Variants in CABIN1 observed in about 807,000 individuals in gnomAD.
CABIN1 encodes the protein calcineurin binding protein 1.
CABIN1 carries 133 observed loss-of-function variants against 227.7 expected under a neutral mutation model. That is an observed-to-expected ratio of 0.58 (90% CI 0.51 to 0.67). The LOEUF is 0.67. Among genes scored for constraint, CABIN1 ranks in the 30% least tolerant of loss-of-function variants. The pLI, the probability that CABIN1 is intolerant of heterozygous loss-of-function variation, is 0.00. For synonymous variants in CABIN1, 1,086 were observed against 1,155.1 expected (o/e 0.94, Z 1.21); for missense variants, 2,408 against 2,852.5 (o/e 0.84, Z 3.55).
rs576396741 is a variant in CABIN1, at chr22:24,016,747, A to G, written c.-75+5380A>G. Among the ~76,000 whole-genome samples the G allele has an allele frequency of 3.9e-5, 6 of 152,314 alleles. No homozygotes were observed. The South Asian group carries it at 1.0e-3, about 26-fold the overall frequency. The stretch of plus-strand genomic sequence containing the variant: ...ATTTCCCTCCAGAAGGGTTGTACCA[A>G]TTTCCAACAGTGTATGAGAATAGCG... On this transcript the variant is annotated intron_variant, in intron 1 of 36. Coordinates refer to ENST00000263119, the MANE Select transcript of CABIN1 (RefSeq NM_012295.4).
At chr22:24,154,316 G>A (rs2045657146) in intron 29 of CABIN1, among the ~76,000 whole-genome samples, 1 of 152,166 alleles carries the variant, frequency 6.6e-6, no homozygotes, top group Non-Finnish European at 1.5e-5. Flanking sequence ...GGGAAGAGTG[G>A]CCCAACTAGC....
At chr22:24,169,546 A>C (rs2046665098) in intron 33 of CABIN1, among the ~76,000 whole-genome samples, 1 of 152,142 alleles carries the variant, frequency 6.6e-6, no homozygotes, top group African/African-American at 2.4e-5. Flanking sequence ...GTCCCCAGCT[A>C]AGGGCCAGAG....
At chr22:24,024,233 T>G (rs988817643) in intron 1 of CABIN1, among the ~76,000 whole-genome samples, 1 of 152,180 alleles carries the variant, frequency 6.6e-6, no homozygotes, top group Non-Finnish European at 1.5e-5. Flanking sequence ...TTAGGGTACA[T>G]GTGCACATTG....
chr22:24,024,794 GT>G (rs2035967563), intron 1 of CABIN1, among the ~76,000 whole-genome samples: 1 of 151,954 alleles, frequency 6.6e-6, no homozygotes, highest in South Asian at 2.1e-4. Flanking sequence ...GCTCACATTT[GT>G]TTTTGAATTT....
intron 1 of CABIN1, among the ~76,000 whole-genome samples, chr22:24,017,555 C>T (rs1288573574): frequency 1.3e-5 from 2 of 152,146 alleles, no homozygotes; most frequent in South Asian, 2.1e-4. Context: ...ACTGTAGGTA[C>T]GTTATATACA....
At chr22:24,018,565 A>G (rs950214897) in intron 1 of CABIN1, among the ~76,000 whole-genome samples, 5 of 152,182 alleles carry the variant, frequency 3.3e-5, no homozygotes, top group African/African-American at 1.2e-4. Flanking sequence ...GACTCTAGTG[A>G]TTTGAGATGC....
At chr22:24,113,878 C>A (rs2042938775) in intron 27 of CABIN1, 130 bp downstream of exon 27, 2 of 972,506 alleles carry the variant, frequency 2.1e-6, no homozygotes, top group Non-Finnish European at 3.2e-6. Flanking sequence ...CCATTTTTCT[C>A]CCTGTAGGAT....
At chr22:24,027,198 C>T (rs2036156866) in intron 1 of CABIN1, among the ~76,000 whole-genome samples, 1 of 152,054 alleles carries the variant, frequency 6.6e-6, no homozygotes, top group South Asian at 2.1e-4. Flanking sequence ...TGCCGAAATA[C>T]AGTTACTTTT....
chr22:24,177,855 G>A lies in CABIN1; in HGVS notation c.6519+38G>A, dbSNP rs770185970. The A allele has an allele frequency of 1.9e-6, 3 of 1,590,916 alleles. No homozygotes were observed. The highest frequency in any genetic ancestry group is 2.7e-5 in the African/African-American group (2 of 74,452). ...GCTGGGCTGGAGCCATGTGTGGGTGGGAGGCATAGGTTACAAAGGGGGCCT... is the reference window on the plus strand; with the variant it reads ...GCTGGGCTGGAGCCATGTGTGGGTGAGAGGCATAGGTTACAAAGGGGGCCT... On this transcript the variant is annotated intron_variant, in intron 36 of 36. Coordinates refer to ENST00000263119, the MANE Select transcript of CABIN1 (RefSeq NM_012295.4). The surrounding 1 kb of genome is among the most constrained non-coding windows in gnomAD (Gnocchi z 4.4).
intron 31 of CABIN1, 132 bp downstream of exon 31, chr22:24,165,758 T>C (rs1238979380): frequency 5.5e-6 from 4 of 726,202 alleles, no homozygotes; most frequent in African/African-American, 5.2e-5. Context: ...ATCTGTGAGG[T>C]AGCACCCATC....
At chr22:24,083,489 TG>T in intron 20 of CABIN1, 100 bp downstream of exon 20, 1 of 1,331,634 alleles carries the variant, frequency 7.5e-7, no homozygotes, top group Middle Eastern at 2.1e-4. Context: ...CAGTCCTGCT[TG>T]GAGTTGCATC....
At chr22:24,100,291 G>A (rs1448740575) in intron 26 of CABIN1, among the ~76,000 whole-genome samples, 1 of 152,204 alleles carries the variant, frequency 6.6e-6, no homozygotes, top group African/African-American at 2.4e-5. Context: ...GAACTCAGCT[G>A]CCTCACCTCT....
intron 8 of CABIN1, among the ~76,000 whole-genome samples, chr22:24,052,730 C>T (rs1439059246): frequency 6.7e-6 from 1 of 149,734 alleles, no homozygotes; most frequent in Non-Finnish European, 1.5e-5. Flanking sequence ...GTCAAGGCTA[C>T]AGTGAGCTGT....
At chr22:24,014,600 G>C (rs899390961) in intron 1 of CABIN1, among the ~76,000 whole-genome samples, 3 of 152,120 alleles carry the variant, frequency 2.0e-5, no homozygotes, top group Non-Finnish European at 4.4e-5. Flanking sequence ...GCCTTTCAGA[G>C]TGGTTATGTT....
intron 33 of CABIN1, chr22:24,170,012 G>A (rs1463414556): frequency 7.2e-6 from 3 of 415,224 alleles, no homozygotes; most frequent in African/African-American, 4.1e-5. Flanking sequence ...TTACCTTTCA[G>A]GTTGCCTGCT....
At chr22:24,016,016 T>C (rs1340438499) in intron 1 of CABIN1, among the ~76,000 whole-genome samples, 5 of 152,144 alleles carry the variant, frequency 3.3e-5, no homozygotes, top group East Asian at 3.9e-4. Flanking sequence ...TACCTTACAA[T>C]TGACCGATTT....
chr22:24,097,632 A>C (rs2147369030), intron 25 of CABIN1, among the ~76,000 whole-genome samples: 1 of 152,368 alleles, frequency 6.6e-6, no homozygotes, highest in South Asian at 2.1e-4. Context: ...GTAAATGCAG[A>C]TGTGTTTCTG....
intron 4 of CABIN1, 64 bp downstream of exon 4, chr22:24,038,525 A>T: frequency 8.8e-7 from 1 of 1,131,752 alleles, no homozygotes; most frequent in Non-Finnish European, 1.3e-6. Context: ...GGGGCTGGGT[A>T]CTCTGGGCCT....
At chr22:24,158,623 G>A (rs1043696234) in intron 29 of CABIN1, among the ~76,000 whole-genome samples, 1 of 152,104 alleles carries the variant, frequency 6.6e-6, no homozygotes, top group African/African-American at 2.4e-5. Context: ...CCCCTGACTC[G>A]GCTGCCCATT....
Sources: allele counts gnomAD v4.1 joint callset (sites outside exome capture counted in the v4.1 genomes callset), GRCh38; gene constraint gnomAD v4.1.1; non-coding constraint Gnocchi (gnomAD v3.1); transcripts MANE v1.5; gene names NCBI Gene and HGNC (gene_info 2026-07-23, HGNC 2026-07-21).